DCAKD: variants seen among roughly 807,000 people sequenced by gnomAD.
DCAKD encodes dephospho-CoA kinase domain-containing protein.
In DCAKD, 15 loss-of-function variants were observed where a neutral mutation model predicts 18.7. The observed-to-expected ratio is 0.80, with a 90% confidence interval of 0.54 to 1.24. The LOEUF (loss-of-function observed/expected upper bound fraction) is 1.24, where lower values mean the gene tolerates loss of function less well. Ranked by LOEUF, DCAKD falls within the 50% of genes most tolerant of loss-of-function variation. The pLI, the probability that DCAKD is intolerant of heterozygous loss-of-function variation, is 0.00. For synonymous variants in DCAKD, 130 were observed against 133.0 expected (o/e 0.98, Z 0.16); for missense variants, 301 against 322.0 (o/e 0.93, Z 0.50).
chr17:45,048,425 G>A (rs2143363895), intron 1 of DCAKD, among the ~76,000 whole-genome samples: 1 of 152,190 alleles, frequency 6.6e-6, no homozygotes, highest in East Asian at 1.9e-4. Flanking sequence ...GGATCACGAG[G>A]TCAGGAGTTT....
Position 45,024,277 on chromosome 17 carries a change from C to T in DCAKD, c.*156G>A, listed in dbSNP as rs758411094. 2 of 976,348 alleles carry T rather than the reference C, an allele frequency of 2.0e-6. No homozygotes were observed. Among genetic ancestry groups the T allele is most frequent in the Admixed American group, 2.9e-5 (1 of 34,484 alleles). The allele number at this position is 976,348 out of a possible 1,614,324, so 60.5% of individuals were successfully genotyped here. On this transcript the variant is annotated 3_prime_UTR_variant, in exon 5 of 5. Coordinates refer to ENST00000651974, the MANE Select transcript of DCAKD (RefSeq NM_001288655.2). ...CTGGCACAGAGGCCCAGCCCTGATT[C>T]GGAGAGTCCGTGTGTGTGTGTGTGT...
chr17:45,037,030 G>C (rs553233438), intron 1 of DCAKD, among the ~76,000 whole-genome samples: 1 of 152,272 alleles, frequency 6.6e-6, no homozygotes, highest in South Asian at 2.1e-4. Context: ...TGCCTGGCTT[G>C]GGGCAGCAGG....
chr17:45,034,799 A>C lies in DCAKD; in HGVS notation c.87T>G (p.Ile29Met), dbSNP rs772089096. Residue 29 changes from isoleucine (I) to methionine (M), a missense_variant, in exon 2 of 5, where the codon ATT (isoleucine) becomes ATG (methionine). Transcript: ENST00000651974. ...QVFQQLGCAV[I>M]DVDVMARHVV... is the part of the protein sequence containing the mutation. ...CGTGCCGGGCCATCACGTCCACGTC[A>C]ATCACCGCACAGCCCAGCTGCTGGA... is the stretch of plus-strand genomic sequence containing the variant. 6.2e-7 allele frequency: 1 copy of C among 1,614,184 alleles called. No homozygotes were observed. The highest frequency in any genetic ancestry group is 1.1e-5 in the South Asian group (1 of 91,070).
chr17:45,044,390 CCTT>C, intron 1 of DCAKD, among the ~76,000 whole-genome samples: 1 of 152,178 alleles, frequency 6.6e-6, no homozygotes, highest in Non-Finnish European at 1.5e-5. Context: ...GCTGGAATCA[CCTT>C]AAAAGCTGTG....
At chr17:45,048,414 C>T (rs754882061) in intron 1 of DCAKD, among the ~76,000 whole-genome samples, 2 of 151,722 alleles carry the variant, frequency 1.3e-5, no homozygotes, top group Non-Finnish European at 2.9e-5. Flanking sequence ...AGGCCGAGGG[C>T]GGATCACGAG....
intron 4 of DCAKD, among the ~76,000 whole-genome samples, chr17:45,029,524 C>T (rs1395259972): frequency 1.3e-5 from 2 of 152,170 alleles, no homozygotes; most frequent in Admixed American, 6.5e-5. Context: ...GGTTGATCCT[C>T]CTGTTTGTCA....
upstream of DCAKD, among the ~76,000 whole-genome samples, chr17:45,056,230 A>G (rs904583288): frequency 6.6e-6 from 1 of 152,100 alleles, no homozygotes; most frequent in Non-Finnish European, 1.5e-5. Context: ...GATGGACATC[A>G]TGAAGAAAAC....
At position 45,051,595 on chromosome 17, in the gene DCAKD, T is replaced by C. The variant is rs1407664163; in HGVS notation, c.-349A>G. The C allele has an allele frequency of 3.3e-5, 5 of 150,488 alleles. No homozygotes were observed. Among genetic ancestry groups the C allele is most frequent in the Admixed American group, 2.7e-4 (4 of 15,072 alleles). The allele number at this position is 150,488 out of a possible 1,614,324, so 9.3% of individuals were successfully genotyped here. A position where few individuals can be genotyped will look rare whatever the true frequency, so the allele number is the denominator to read the frequency against. ...GCCCAGGCCTCCGCCTCTAGCCCAA[T>C]CTCCGCAGCGCTTACAGGCCGGCTC... On this transcript the variant is annotated 5_prime_UTR_variant, in exon 1 of 5. Transcript: ENST00000651974.
chr17:45,034,630 A>G, intron 2 of DCAKD, 144 bp downstream of exon 2: 1 of 978,322 alleles, frequency 1.0e-6, no homozygotes, highest in East Asian at 2.6e-5. Flanking sequence ...AGAGAAGGCA[A>G]GCACGGGGCA....
intron 4 of DCAKD, chr17:45,026,565 G>A: frequency 1.0e-6 from 1 of 965,876 alleles, no homozygotes; most frequent in Non-Finnish European, 1.2e-6. Flanking sequence ...GTCTTGCTGT[G>A]TTGCCTACAC....
chr17:45,058,293 C>T (rs774811442), intron 1 of DCAKD, among the ~76,000 whole-genome samples: 3 of 152,010 alleles, frequency 2.0e-5, no homozygotes, highest in African/African-American at 7.2e-5. Flanking sequence ...CCAGCGTAGG[C>T]GACAGAGCGA....
At chr17:45,055,877 G>A (rs1382994076), upstream of DCAKD, among the ~76,000 whole-genome samples, 4 of 152,056 alleles carry the variant, frequency 2.6e-5, no homozygotes, top group Non-Finnish European at 4.4e-5. Flanking sequence ...ATATGTGGCC[G>A]GGCACAGTGG....
chr17:45,030,151 G>C lies in DCAKD; in HGVS notation c.345C>G (p.Pro115=). ...GCAACTTCTTGGTCTCAAACAGCAG[G>C]GGGATATCCAGAATCACGTAGCGGT... The part of the protein sequence containing the change: ...RGYRYVILDI[P]LLFETKKLLK... The change falls in exon 4 of 5, where the codon CCC becomes CCG. Residue 115 remains proline, a synonymous_variant. Transcript: ENST00000651974. The C allele has an allele frequency of 6.2e-7, 1 of 1,614,138 alleles. No homozygotes were observed. Among genetic ancestry groups the C allele is most frequent in the Non-Finnish European group, 8.5e-7 (1 of 1,180,002 alleles).
upstream of DCAKD, among the ~76,000 whole-genome samples, chr17:45,056,478 A>AT (rs945128930): frequency 8.0e-5 from 12 of 150,128 alleles, no homozygotes; most frequent in East Asian, 3.9e-4. Flanking sequence ...TTTTATATAT[A>AT]TTTTTTTTTT....
chr17:45,046,648 T>C (rs1286202300), intron 1 of DCAKD, among the ~76,000 whole-genome samples: 5 of 147,908 alleles, frequency 3.4e-5, no homozygotes, highest in African/African-American at 7.5e-5. Flanking sequence ...AGCAGCTCTA[T>C]GTTTGCCCAC....
At chr17:45,052,524 C>G (rs1206890341), upstream of DCAKD, among the ~76,000 whole-genome samples, 1 of 152,168 alleles carries the variant, frequency 6.6e-6, no homozygotes, top group Non-Finnish European at 1.5e-5. Context: ...AGCCTCTCAT[C>G]CTGTCTCCTC....
intron 1 of DCAKD, among the ~76,000 whole-genome samples, chr17:45,058,382 A>C (rs1438016811): frequency 6.6e-6 from 1 of 152,022 alleles, no homozygotes; most frequent in East Asian, 1.9e-4. Context: ...TGTAATCCCA[A>C]AGTGCTGGGA....
At chr17:45,026,517 G>A (rs879295300) in intron 4 of DCAKD, 37 of 792,796 alleles carry the variant, frequency 4.7e-5, no homozygotes, top group South Asian at 1.1e-4. Flanking sequence ...GAGCCACCGC[G>A]CCTGGCTTTT....
At chr17:45,050,918 T>C (rs2053680056) in intron 1 of DCAKD, among the ~76,000 whole-genome samples, 1 of 152,202 alleles carries the variant, frequency 6.6e-6, no homozygotes, top group African/African-American at 2.4e-5. Context: ...CCCTCACTAG[T>C]TGGTGGGCGT....
Sources: allele counts gnomAD v4.1 joint callset (sites outside exome capture counted in the v4.1 genomes callset), GRCh38; gene constraint gnomAD v4.1.1; transcripts MANE v1.5; gene names NCBI Gene and HGNC (gene_info 2026-07-23, HGNC 2026-07-21).